The following THSD7B variants were observed in gnomAD, a reference collection of about 807,000 sequenced individuals.
THSD7B encodes the protein thrombospondin type-1 domain-containing protein 7B.
Under a neutral mutation model 213.6 loss-of-function variants are expected in THSD7B, and 138 were observed. The observed-to-expected ratio is 0.65, with a 90% CI of 0.56 to 0.74. The LOEUF (loss-of-function observed/expected upper bound fraction) is 0.74, where lower values mean the gene tolerates loss of function less well. Among genes scored for constraint, THSD7B ranks in the 30% least tolerant of loss-of-function variants. The pLI is 0.00. For synonymous variants in THSD7B, 742 were observed against 687.0 expected, an observed-to-expected ratio of 1.08 and a Z score of -1.25; for missense variants, 1,931 against 1,991.5, an observed-to-expected ratio of 0.97 and a Z score of 0.58.
chr2:137,547,214 C>T (rs912373104), intron 15 of THSD7B, among the ~76,000 whole-genome samples: 1 of 152,046 alleles, frequency 6.6e-6, no homozygotes, highest in Non-Finnish European at 1.5e-5. Flanking sequence ...AAAGGTCAGG[C>T]TGTGCCATCC....
At chr2:137,659,577 C>T (rs1200076022) in intron 24 of THSD7B, 87 bp from the exon 25 acceptor site, 1 of 1,195,304 alleles carries the variant, frequency 8.4e-7, no homozygotes, top group Admixed American at 2.5e-5. Context: ...TGCAAAGAGG[C>T]CGGTGGCACA....
chr2:137,253,690 G>A (rs922425267), intron 10 of THSD7B, among the ~76,000 whole-genome samples: 5 of 152,084 alleles, frequency 3.3e-5, no homozygotes, highest in Admixed American at 2.0e-4. Flanking sequence ...GTCTTTTGAT[G>A]TACTTCCTAT....
At chr2:136,870,942 G>T (rs749218820) in intron 1 of THSD7B, among the ~76,000 whole-genome samples, 1 of 152,198 alleles carries the variant, frequency 6.6e-6, no homozygotes, top group Non-Finnish European at 1.5e-5. Flanking sequence ...AGCCAGGCAG[G>T]AGGCTGTTAG....
chr2:136,964,528 G>T (rs986628931), intron 2 of THSD7B, among the ~76,000 whole-genome samples: 4 of 152,102 alleles, frequency 2.6e-5, no homozygotes, highest in Admixed American at 1.3e-4. Context: ...CTTCTCAGGG[G>T]AATCACTTTA....
At chr2:137,501,090 C>T (rs1403271945) in intron 15 of THSD7B, among the ~76,000 whole-genome samples, 10 of 152,098 alleles carry the variant, frequency 6.6e-5, no homozygotes, top group Non-Finnish European at 1.5e-4. Flanking sequence ...TGAATTGTGA[C>T]TTTTACTTTA....
chr2:137,094,759 C>T, intron 3 of THSD7B, 114 bp from the exon 4 acceptor site: 1 of 1,340,676 alleles, frequency 7.5e-7, no homozygotes, highest in East Asian at 2.3e-5. Flanking sequence ...AAAAATCTTC[C>T]TATTAAACGC....
chr2:137,632,950 T>A (rs1417182769), intron 20 of THSD7B, among the ~76,000 whole-genome samples: 2 of 152,166 alleles, frequency 1.3e-5, no homozygotes, highest in African/African-American at 4.8e-5. Context: ...GCAACTTTCA[T>A]ATAAGCCAAG....
chr2:137,657,550 T>C (rs17693770), intron 24 of THSD7B, among the ~76,000 whole-genome samples: 17,409 of 152,172 alleles, frequency 0.11, 1,048 homozygotes, highest in Middle Eastern at 0.17. Flanking sequence ...AAGTTGAAAC[T>C]AAAGAGGTTA....
At chr2:136,900,611 T>C (rs549350637) in intron 2 of THSD7B, among the ~76,000 whole-genome samples, 75 of 152,234 alleles carry the variant, frequency 4.9e-4, no homozygotes, top group Non-Finnish European at 8.2e-4. Flanking sequence ...TAATGCTTTT[T>C]CAGCTTGTGT....
At chr2:137,135,255 C>T (rs1679415517) in intron 5 of THSD7B, among the ~76,000 whole-genome samples, 1 of 152,078 alleles carries the variant, frequency 6.6e-6, no homozygotes, top group East Asian at 1.9e-4. Flanking sequence ...GTGTTCCTTC[C>T]ATTCTCTTAG....
At chr2:137,408,201 CAT>C (rs746651339) in intron 13 of THSD7B, among the ~76,000 whole-genome samples, 13 of 152,086 alleles carry the variant, frequency 8.5e-5, no homozygotes, top group Non-Finnish European at 1.8e-4. Context: ...ATATCATAAA[CAT>C]AGAGGCAGCA....
At chr2:137,193,138 C>T (rs2105016491) in intron 7 of THSD7B, among the ~76,000 whole-genome samples, 1 of 152,260 alleles carries the variant, frequency 6.6e-6, no homozygotes, top group Non-Finnish European at 1.5e-5. Context: ...TTCCAGACCT[C>T]TCCACCGTCC....
chr2:137,307,848 T>G (rs572080882), intron 12 of THSD7B, among the ~76,000 whole-genome samples: 33 of 152,160 alleles, frequency 2.2e-4, no homozygotes, highest in African/African-American at 7.9e-4. Flanking sequence ...GTCAGGCAAC[T>G]CCGGAAGCTG....
chr2:137,014,604 C>A (rs1434182661), intron 2 of THSD7B, among the ~76,000 whole-genome samples: 3 of 152,188 alleles, frequency 2.0e-5, no homozygotes, highest in Admixed American at 6.5e-5. Flanking sequence ...AGTTCAAATA[C>A]ATGTCTTAGT....
At chr2:137,211,081 C>A (rs368434910) in intron 7 of THSD7B, among the ~76,000 whole-genome samples, 1 of 151,824 alleles carries the variant, frequency 6.6e-6, no homozygotes, top group Non-Finnish European at 1.5e-5. Flanking sequence ...TTCATTGAGA[C>A]CCTATTATTG....
At chr2:137,383,941 C>T (rs755497866) in intron 12 of THSD7B, among the ~76,000 whole-genome samples, 1 of 152,110 alleles carries the variant, frequency 6.6e-6, no homozygotes, top group Admixed American at 6.6e-5. Context: ...ACTCAATTTG[C>T]GGATTGTTAC....
rs541618030 is a variant in THSD7B at position 137,056,644 on chromosome 2, G to A, written c.364G>A (p.Gly122Ser). The change falls in exon 3 of 28, where the codon GGT becomes AGT. Residue 122 changes from glycine to serine, a missense_variant. Coordinates refer to ENST00000409968, the MANE Select transcript of THSD7B (RefSeq NM_001316349.2). The part of the protein sequence containing the change: ...HHCVLVPYAR[G>S]EVKPRTAECV... ...CTGTGTGCTTGTTCCTTACGCTCGC[G>A]GTGAAGTCAAGCCTCGGACTGCAGA... 3.9e-5 allele frequency: 63 copies of A among 1,613,940 alleles called. No homozygotes were observed. Among genetic ancestry groups the A allele is most frequent in the African/African-American group, 2.5e-4 (19 of 75,026 alleles).
At chr2:137,114,943 T>C (rs1051362380) in intron 4 of THSD7B, among the ~76,000 whole-genome samples, 181 bp from the exon 5 acceptor site, 1 of 152,188 alleles carries the variant, frequency 6.6e-6, no homozygotes, top group Non-Finnish European at 1.5e-5. Context: ...CTGGATGTTT[T>C]TTTTTTCTAG....
intron 27 of THSD7B, among the ~76,000 whole-genome samples, chr2:137,670,532 A>AG (rs1683540740): frequency 6.6e-6 from 1 of 152,206 alleles, no homozygotes; most frequent in Non-Finnish European, 1.5e-5. Context: ...TCGATAAGAG[A>AG]GTAAATTGTC....
Sources: gnomAD v4.1 joint callset for allele counts (sites outside exome capture counted in the v4.1 genomes callset) on GRCh38, gnomAD v4.1.1 for gene constraint, MANE v1.5 for transcripts, NCBI Gene and HGNC (gene_info 2026-07-23, HGNC 2026-07-21) for gene names.